The following NFE2L3 variants were observed in gnomAD, a reference collection of about 807,000 sequenced individuals.
NFE2L3 encodes the protein nuclear factor erythroid 2-related factor 3.
Under a neutral mutation model 23.5 loss-of-function variants are expected in NFE2L3, and 18 were observed. The observed-to-expected ratio is 0.77, with a 90% CI of 0.53 to 1.13. The LOEUF (loss-of-function observed/expected upper bound fraction) is 1.13. Among genes scored for constraint, NFE2L3 ranks in the 50% most tolerant of loss-of-function variants. The pLI is 0.00. For synonymous variants in NFE2L3, 424 were observed against 354.5 expected, an observed-to-expected ratio of 1.20 and a Z score of -2.20; for missense variants, 1,152 against 877.2, an observed-to-expected ratio of 1.31 and a Z score of -3.96.
At chr7:26,165,470 A>G (rs974181731) in intron 1 of NFE2L3, among the ~76,000 whole-genome samples, 2 of 152,212 alleles carry the variant, frequency 1.3e-5, no homozygotes, top group Non-Finnish European at 2.9e-5. Flanking sequence ...GTATATAAGA[A>G]TGCTTGTGAT....
chr7:26,179,505 A>G (rs1784469405), intron 2 of NFE2L3, among the ~76,000 whole-genome samples: 1 of 151,646 alleles, frequency 6.6e-6, no homozygotes, highest in Non-Finnish European at 1.5e-5. Context: ...GTCTCAAAAA[A>G]AAAAAAAAAA....
chr7:26,169,223 C>G (rs894657490), intron 1 of NFE2L3, among the ~76,000 whole-genome samples: 8 of 152,164 alleles, frequency 5.3e-5, no homozygotes, highest in Non-Finnish European at 1.2e-4. Flanking sequence ...CTAACTGTTA[C>G]AAGTTGGGTT....
chr7:26,183,779 C>G lies in NFE2L3; in HGVS notation c.829C>G (p.Leu277Val). 2 of 1,610,106 alleles carry G rather than the reference C, an allele frequency of 1.2e-6. No homozygotes were observed. The highest frequency in any genetic ancestry group is 1.7e-6 in the Non-Finnish European group (2 of 1,176,304). Residue 277 changes from leucine (L) to valine (V), a missense_variant, in exon 3 of 4, where the codon CTG becomes GTG. Leu to Val is a conservative substitution (Grantham distance 32, BLOSUM62 1). Coordinates refer to ENST00000056233, the MANE Select transcript of NFE2L3 (RefSeq NM_004289.7). ...QLLSSQPENS[L>V]EGISLGDIPL... ...GCTTTCATCACAGCCTGAAAATTCA[C>G]TGGAGGTAATTGGAACTTTGGCTTT...
rs754755340 is a variant in NFE2L3 at position 26,185,179 on chromosome 7, T to A, written c.1481T>A (p.Val494Glu). The A allele has an allele frequency of 1.2e-6, 2 of 1,613,876 alleles. No individual in the cohort carries two copies. Among genetic ancestry groups the A allele is most frequent in the Non-Finnish European group, 1.7e-6 (2 of 1,179,852 alleles). ...DFHGDLTFQH[V>E]FHNHTYHLQP... Reference sequence around the variant, plus strand: ...CATGGAGATCTTACATTTCAACACGTATTTCATAACCACACTTACCACTTA... The same window carrying A: ...CATGGAGATCTTACATTTCAACACGAATTTCATAACCACACTTACCACTTA... Residue 494 changes from valine (V) to glutamate (E), a missense_variant, in exon 4 of 4, where the codon GTA becomes GAA. Physicochemically the swap from Val to Glu is moderately radical, Grantham distance 121. Transcript: ENST00000056233.
chr7:26,152,969 C>T lies in NFE2L3; in HGVS notation c.471C>T (p.Pro157=). 1 of 1,496,264 alleles carries T rather than the reference C, an allele frequency of 6.7e-7. No homozygotes were observed. Among genetic ancestry groups the T allele is most frequent in the Non-Finnish European group, 8.8e-7 (1 of 1,130,208 alleles). The allele number at this position is 1,496,264 out of a possible 1,614,324, so 92.7% of individuals were successfully genotyped here. A position where few individuals can be genotyped will look rare whatever the true frequency, so the allele number is the denominator to read the frequency against. ...SQAVQGGGGD[P]RAARSGPLDA... Reference sequence around the variant, plus strand: ...CTGTGCAGGGGGGCGGCGGGGACCCCCGAGCGGCTCGGAGTGGCCCCTTGG... The same window carrying T: ...CTGTGCAGGGGGGCGGCGGGGACCCTCGAGCGGCTCGGAGTGGCCCCTTGG... The change falls in exon 1 of 4, where the codon CCC becomes CCT. Residue 157 remains proline, a synonymous_variant. Transcript: ENST00000056233. This position sits in a 1 kb window ranked among gnomAD's most constrained non-coding sequence, Gnocchi z 4.4.
rs755108276 is a variant in NFE2L3 at position 26,184,916 on chromosome 7, C to T, written c.1218C>T (p.Ile406=). ...CCACAGAAGACAACTTTGATCCAATCGATGTTTCTCAGCTTTTTGATGAAC... is the reference window on the plus strand; with the variant it reads ...CCACAGAAGACAACTTTGATCCAATTGATGTTTCTCAGCTTTTTGATGAAC... ...SLATEDNFDP[I]DVSQLFDEPD... Residue 406 remains isoleucine, a synonymous_variant, in exon 4 of 4, where the codon ATC becomes ATT. Coordinates refer to ENST00000056233, the MANE Select transcript of NFE2L3 (RefSeq NM_004289.7). 19 of 1,613,922 alleles carry T rather than the reference C, an allele frequency of 1.2e-5. No homozygotes were observed. The highest frequency in any genetic ancestry group is 4.5e-5 in the East Asian group (2 of 44,874).
At chr7:26,175,552 C>A (rs551653777) in intron 1 of NFE2L3, among the ~76,000 whole-genome samples, 1 of 151,874 alleles carries the variant, frequency 6.6e-6, no homozygotes, top group Admixed American at 6.6e-5. Context: ...CCGAGGCGGG[C>A]GGATCACGAG....
At chr7:26,178,849 C>T (rs1464265418) in intron 2 of NFE2L3, among the ~76,000 whole-genome samples, 1 of 152,082 alleles carries the variant, frequency 6.6e-6, no homozygotes, top group African/African-American at 2.4e-5. Flanking sequence ...ACCTGGAAGG[C>T]ATACCCTCAG....
At chr7:26,184,478 A>G (rs17153360) in intron 3 of NFE2L3, 55 bp from the exon 4 acceptor site, 24,401 of 1,498,862 alleles carry the variant, frequency 0.016, 427 homozygotes, top group African/African-American at 0.086. Context: ...AGGTAATAGA[A>G]CTGCTTCAGA....
intron 1 of NFE2L3, among the ~76,000 whole-genome samples, chr7:26,172,261 G>A (rs1177206704): frequency 2.0e-5 from 3 of 152,322 alleles, no homozygotes; most frequent in African/African-American, 7.2e-5. Context: ...GCATTTTTAG[G>A]TGAACCTTTT....
chr7:26,153,117 G>T, intron 1 of NFE2L3, 49 bp downstream of exon 1: 1 of 1,479,946 alleles, frequency 6.8e-7, no homozygotes, highest in Non-Finnish European at 8.9e-7. Context: ...ACGCCGCCGG[G>T]AGCCCCCGAG....
rs576544844 is a variant in NFE2L3 at position 26,169,581 on chromosome 7, T to C, written c.571-8362T>C. Among the ~76,000 whole-genome samples the C allele has an allele frequency of 2.6e-5, 4 of 152,314 alleles. No homozygotes were observed. In the South Asian group the frequency reaches 8.3e-4, roughly 32 times the overall value. ...CTTTGAAGGGGACCTGGGCTGCACA[T>C]CTCCCCATGCATCCCACTAGCCCTG... On this transcript the variant is annotated intron_variant, in intron 1 of 3. Transcript: ENST00000056233.
intron 3 of NFE2L3, 42 bp downstream of exon 3, chr7:26,183,826 G>A: frequency 7.9e-7 from 1 of 1,259,966 alleles, no homozygotes; most frequent in East Asian, 2.3e-5. Flanking sequence ...GAACATATCT[G>A]CACTGACCTT....
At chr7:26,179,714 A>G (rs1562676904) in intron 2 of NFE2L3, among the ~76,000 whole-genome samples, 1 of 152,108 alleles carries the variant, frequency 6.6e-6, no homozygotes, top group Non-Finnish European at 1.5e-5. Flanking sequence ...TCAAAAAAGA[A>G]AAATCCAAAA....
chr7:26,153,424 C>T (rs898954653), intron 1 of NFE2L3, among the ~76,000 whole-genome samples: 1 of 152,120 alleles, frequency 6.6e-6, no homozygotes, highest in African/African-American at 2.4e-5. Flanking sequence ...TTCTCTGGGA[C>T]CCGTGCCCGA....
intron 2 of NFE2L3, among the ~76,000 whole-genome samples, chr7:26,182,233 A>G (rs1784529121): frequency 6.6e-6 from 1 of 152,240 alleles, no homozygotes; most frequent in Admixed American, 6.5e-5. Context: ...GAGCAAACTT[A>G]CCAGTAGTAA....
chr7:26,180,363 T>C (rs777759094), intron 2 of NFE2L3, among the ~76,000 whole-genome samples: 1 of 152,186 alleles, frequency 6.6e-6, no homozygotes, highest in Non-Finnish European at 1.5e-5. Flanking sequence ...CAACTGCCTG[T>C]TCTTTTTTCC....
intron 1 of NFE2L3, among the ~76,000 whole-genome samples, chr7:26,165,293 C>G (rs1392481638): frequency 6.6e-6 from 1 of 152,184 alleles, no homozygotes; most frequent in East Asian, 1.9e-4. Flanking sequence ...ATGGAATGTT[C>G]TTCCATTTGT....
At position 26,185,521 on chromosome 7, in the gene NFE2L3, A is replaced by G. The variant is rs1256174795; in HGVS notation, c.1823A>G (p.Asp608Gly). The change falls in exon 4 of 4, where the codon GAT becomes GGT. Residue 608 changes from aspartate to glycine, a missense_variant. Asp to Gly is a moderately conservative substitution (Grantham distance 94, BLOSUM62 -1). Coordinates refer to ENST00000056233, the MANE Select transcript of NFE2L3 (RefSeq NM_004289.7). ...RKLDIILNLEDDVCNLQAKKE... is the reference protein window; with the variant it reads ...RKLDIILNLEGDVCNLQAKKE... ...TTGGACATAATTTTGAATTTAGAAG[A>G]TGATGTATGTAACTTGCAAGCAAAG... is the stretch of plus-strand genomic sequence containing the variant. 1.9e-6 allele frequency: 3 copies of G among 1,613,940 alleles called. No individual in the cohort carries two copies. Among genetic ancestry groups the G allele is most frequent in the East Asian group, 2.2e-5 (1 of 44,876 alleles).
Sources: allele counts gnomAD v4.1 joint callset (sites outside exome capture counted in the v4.1 genomes callset), GRCh38; gene constraint gnomAD v4.1.1; non-coding constraint Gnocchi (gnomAD v3.1); transcripts MANE v1.5; gene names NCBI Gene and HGNC (gene_info 2026-07-23, HGNC 2026-07-21).